DACH2: variants seen among roughly 807,000 people sequenced by gnomAD.
DACH2 encodes the protein dachshund family transcription factor 2, also known as dachshund homolog 2.
DACH2 carries 17 observed loss-of-function variants against 35.8 expected under a neutral mutation model. The observed-to-expected ratio is 0.48, with a 90% confidence interval of 0.33 to 0.71. The LOEUF (loss-of-function observed/expected upper bound fraction) is 0.71. Ranked by LOEUF, DACH2 falls within the 30% of genes least tolerant of loss-of-function variation. The pLI, the probability that DACH2 is intolerant of heterozygous loss-of-function variation, is 0.02. For missense variants in DACH2, 469 were observed against 472.7 expected (o/e 0.99, Z 0.07); for synonymous variants, 195 against 177.3 (o/e 1.10, Z -0.79).
intron 4 of DACH2, among the ~76,000 whole-genome samples, chrX:86,671,713 G>A (rs1283732388): frequency 8.9e-6 from 1 of 111,861 alleles, no homozygotes; most frequent in African/African-American, 3.3e-5. Context: ...CCAGTCTCAG[G>A]TATTTCTTTA....
chrX:86,180,206 ATGGTTCT>A, intron 1 of DACH2, among the ~76,000 whole-genome samples: 1 of 84,245 alleles, frequency 1.2e-5, no homozygotes, highest in Non-Finnish European at 2.4e-5. Context: ...ATATATATAT[ATGGTTCT>A]TATAGTAATG....
chrX:86,346,120 TA>T (rs2035492088), intron 1 of DACH2, among the ~76,000 whole-genome samples: 1 of 111,309 alleles, frequency 9.0e-6, no homozygotes, highest in Non-Finnish European at 1.9e-5. Flanking sequence ...CTCTTTCTTT[TA>T]ATCTAATATT....
intron 11 of DACH2, chrX:86,831,275 A>T (rs951141836): frequency 1.8e-5 from 2 of 111,565 alleles, no homozygotes; most frequent in African/African-American, 6.5e-5. Context: ...AACAATGATA[A>T]TGTCCTCTCC....
chrX:86,602,265 T>A (rs2039799603), intron 3 of DACH2, among the ~76,000 whole-genome samples: 1 of 112,285 alleles, frequency 8.9e-6, no homozygotes, highest in Non-Finnish European at 1.9e-5. Context: ...GAAGATATTT[T>A]TGTTGCTTAT....
intron 1 of DACH2, among the ~76,000 whole-genome samples, chrX:86,182,317 A>G (rs2031520669): frequency 8.9e-6 from 1 of 111,752 alleles, no homozygotes. Flanking sequence ...TTATGGTTTT[A>G]GGTTTTACAT....
Position 86,720,032 on chromosome X carries a change from G to A in DACH2, c.1104+5312G>A, listed in dbSNP as rs185142407. On this transcript the variant is annotated intron_variant, in intron 6 of 11. Transcript: ENST00000373125. The stretch of plus-strand genomic sequence containing the variant: ...TGGCTCACTGCAAGCTCCACCTCCC[G>A]GGTTCACACCATTCTCCTGCCTCAG... Among the ~76,000 whole-genome samples the A allele has an allele frequency of 7.6e-4, 78 of 102,865 alleles. No homozygotes were observed. The Middle Eastern group carries it at 0.02, about 27-fold the overall frequency. The allele number at this position is 102,865 out of a possible 115,157, so 89.3% of individuals were successfully genotyped here.
At chrX:86,580,884 A>G (rs1454288199) in intron 3 of DACH2, among the ~76,000 whole-genome samples, 1 of 111,686 alleles carries the variant, frequency 9.0e-6, no homozygotes. Context: ...GAAAATGTAG[A>G]GAACCCTTGT....
intron 11 of DACH2, chrX:86,828,039 TTAG>T: frequency 6.0e-5 from 2 of 33,498 alleles, no homozygotes; most frequent in Middle Eastern, 0.023. Flanking sequence ...TTTCAAGGAG[TTAG>T]TTCATAGTGC....
At chrX:86,204,491 A>C (rs1347523365) in intron 1 of DACH2, among the ~76,000 whole-genome samples, 1 of 111,711 alleles carries the variant, frequency 9.0e-6, no homozygotes, top group Non-Finnish European at 1.9e-5. Flanking sequence ...GCATGATCGC[A>C]GTGGCTGTTG....
chrX:86,251,697 C>T (rs1375686514), intron 1 of DACH2, among the ~76,000 whole-genome samples: 1 of 111,662 alleles, frequency 9.0e-6, no homozygotes, highest in Non-Finnish European at 1.9e-5. Context: ...GAGTAGTGTT[C>T]CATCGTATAT....
intron 3 of DACH2, among the ~76,000 whole-genome samples, chrX:86,631,136 C>CT (rs1260990829): frequency 5.6e-4 from 63 of 111,858 alleles, no homozygotes; most frequent in African/African-American, 2.0e-3. Context: ...AAATTTTAAT[C>CT]TTTTGTCTAT....
At chrX:86,604,551 A>G (rs760911828) in intron 3 of DACH2, among the ~76,000 whole-genome samples, 1 of 111,810 alleles carries the variant, frequency 8.9e-6, no homozygotes, top group South Asian at 3.7e-4. Flanking sequence ...TGTATTTTAT[A>G]TTTGCCTTGT....
chrX:86,605,195 A>G (rs191947821), intron 3 of DACH2, among the ~76,000 whole-genome samples: 3 of 111,278 alleles, frequency 2.7e-5, no homozygotes, highest in Non-Finnish European at 3.8e-5. Context: ...TTGGACTTTC[A>G]TTTTAGTTAT....
chrX:86,383,097 T>C (rs1313188155), intron 2 of DACH2, among the ~76,000 whole-genome samples: 1 of 110,742 alleles, frequency 9.0e-6, no homozygotes, highest in Non-Finnish European at 1.9e-5. Flanking sequence ...TATGTGGAGA[T>C]TCAACTGGGT....
intron 2 of DACH2, among the ~76,000 whole-genome samples, chrX:86,426,450 C>A (rs1216418952): frequency 9.0e-6 from 1 of 111,602 alleles, no homozygotes; most frequent in Non-Finnish European, 1.9e-5. Context: ...CAAAAAATTT[C>A]TTTAAAGCTA....
At chrX:86,291,704 T>C (rs2034299810) in intron 1 of DACH2, among the ~76,000 whole-genome samples, 1 of 100,339 alleles carries the variant, frequency 1.0e-5, no homozygotes. Flanking sequence ...TGTCTTTGGT[T>C]CTGTTTATAT....
chrX:86,701,229 T>C (rs1213403402), intron 5 of DACH2, among the ~76,000 whole-genome samples: 1 of 111,629 alleles, frequency 9.0e-6, no homozygotes, highest in Non-Finnish European at 1.9e-5. Flanking sequence ...ATACATGTGA[T>C]TCATCATATA....
At chrX:86,508,388 G>A (rs1420573983) in intron 2 of DACH2, among the ~76,000 whole-genome samples, 5 of 109,574 alleles carry the variant, frequency 4.6e-5, no homozygotes, top group Non-Finnish European at 7.6e-5. Flanking sequence ...GCAAAACCCC[G>A]TCTCTACTAA....
At chrX:86,757,388 A>G (rs1440700968) in intron 7 of DACH2, among the ~76,000 whole-genome samples, 2 of 111,673 alleles carry the variant, frequency 1.8e-5, no homozygotes, top group Non-Finnish European at 3.8e-5. Flanking sequence ...GGCTTTGTAG[A>G]ATGAGTTAGG....
Sources: allele counts gnomAD v4.1 joint callset (sites outside exome capture counted in the v4.1 genomes callset), GRCh38; gene constraint gnomAD v4.1.1; transcripts MANE v1.5; gene names NCBI Gene and HGNC (gene_info 2026-07-23, HGNC 2026-07-21).